The following AFDN variants were observed in gnomAD, a reference collection of about 807,000 sequenced individuals.
The protein encoded by AFDN is afadin.
A neutral mutation model predicts 216.6 loss-of-function variants in AFDN; 68 were observed. The observed-to-expected ratio is 0.31, with a 90% CI of 0.26 to 0.38. The LOEUF (loss-of-function observed/expected upper bound fraction) is 0.38. Among genes scored for constraint, AFDN ranks in the 10% least tolerant of loss-of-function variants. The probability of loss-of-function intolerance (pLI) is 1.00; values close to 1 mark genes in which losing one functional copy is unlikely to be tolerated. For missense variants in AFDN, 2,136 were observed against 2,342.0 expected, an observed-to-expected ratio of 0.91 and a Z score of 1.82; for synonymous variants, 868 against 853.7, an observed-to-expected ratio of 1.02 and a Z score of -0.29.
intron 23 of AFDN, among the ~76,000 whole-genome samples, chr6:167,940,053 A>G (rs1339855554): frequency 6.6e-6 from 1 of 152,378 alleles, no homozygotes; most frequent in Admixed American, 6.5e-5. Context: ...TTCAAGGACC[A>G]CAGGTTGTAT....
At chr6:167,926,959 T>A (rs544679228) in intron 23 of AFDN, among the ~76,000 whole-genome samples, 1 of 152,352 alleles carries the variant, frequency 6.6e-6, no homozygotes, top group South Asian at 2.1e-4. Flanking sequence ...AGTGGATATT[T>A]GATTTGCTGT....
Position 167,967,841 on chromosome 6 carries a change from C to T in AFDN, c.5258-1273C>T, listed in dbSNP as rs80249322. Among the ~76,000 whole-genome samples, 650 of 152,306 alleles carry T rather than the reference C, an allele frequency of 4.3e-3. 4 individuals are homozygous for T. The highest frequency in any genetic ancestry group is 0.015 in the African/African-American group (620 of 41,552). On this transcript the variant is annotated intron_variant, in intron 32 of 33. Transcript: ENST00000683244. ...CACTAGCATGGTCTCATTCCTTGCT[C>T]AGCTCTGTTTGTGTCGCGAGCACTC... is the stretch of plus-strand genomic sequence containing the variant.
intron 1 of AFDN, among the ~76,000 whole-genome samples, chr6:167,849,181 T>C (rs1344368307): frequency 6.6e-6 from 1 of 152,184 alleles, no homozygotes; most frequent in Non-Finnish European, 1.5e-5. Flanking sequence ...AAAGTACTTA[T>C]TAGCACAATG....
In AFDN at chr6:167,951,653, G is replaced by A. The variant is rs1795997695; in HGVS notation, c.4299G>A (p.Leu1433=). The change falls in exon 30 of 34, where the codon CTG becomes CTA. Residue 1433 remains leucine (L), a synonymous_variant. Transcript: ENST00000683244. This position sits in a 1 kb window ranked among gnomAD's most constrained non-coding sequence, Gnocchi z 7.1. ...GGTATGAGAAGGAGAAGGCCCGCCTGGAGGAGGAGCGGGAGAGGAAGCGGA... is the reference window on the plus strand; with the variant it reads ...GGTATGAGAAGGAGAAGGCCCGCCTAGAGGAGGAGCGGGAGAGGAAGCGGA... ...QRWYEKEKAR[L]EEERERKRRE... 3.1e-6 allele frequency: 5 copies of A among 1,614,078 alleles called. No homozygotes were observed. The highest frequency in any genetic ancestry group is 4.2e-6 in the Non-Finnish European group (5 of 1,179,990).
At chr6:167,947,632 C>T (rs79474232) in intron 27 of AFDN, among the ~76,000 whole-genome samples, 5 of 152,108 alleles carry the variant, frequency 3.3e-5, no homozygotes, top group African/African-American at 1.2e-4. Flanking sequence ...ATACACAGAG[C>T]TACAAAGGTT....
intron 1 of AFDN, among the ~76,000 whole-genome samples, chr6:167,837,172 T>C (rs1210413452): frequency 1.3e-5 from 2 of 152,206 alleles, no homozygotes; most frequent in East Asian, 3.8e-4. Context: ...ATTTATGATA[T>C]GGCTTATTTT....
intron 1 of AFDN, among the ~76,000 whole-genome samples, chr6:167,842,352 T>C (rs1033079287): frequency 1.3e-5 from 2 of 152,144 alleles, no homozygotes; most frequent in Non-Finnish European, 2.9e-5. Context: ...CAGTGTGTAT[T>C]GTAATGCTGG....
In AFDN at chr6:167,962,798, A is replaced by G. The variant is rs1797171081; in HGVS notation, c.4968+231A>G. 7.3e-7 allele frequency: 1 copy of G among 1,371,202 alleles called. No individual in the cohort carries two copies. The highest frequency in any genetic ancestry group is 3.0e-5 in the Admixed American group (1 of 33,714). 84.9% of individuals were successfully genotyped at this position (1,371,202 alleles called of 1,614,324 possible). On this transcript the variant is annotated intron_variant, in intron 31 of 33. Coordinates refer to ENST00000683244, the MANE Select transcript of AFDN (RefSeq NM_001386888.1). This position sits in a 1 kb window ranked among gnomAD's most constrained non-coding sequence, Gnocchi z 5.2. ...TATCTGCCAAGTTTTGTCTCCTTCAAACTTCTGAACTCTTGGGCGTGTGTA... is the reference window on the plus strand; with the variant it reads ...TATCTGCCAAGTTTTGTCTCCTTCAGACTTCTGAACTCTTGGGCGTGTGTA...
At chr6:167,905,402 C>T (rs576722970) in intron 12 of AFDN, among the ~76,000 whole-genome samples, 2 of 152,042 alleles carry the variant, frequency 1.3e-5, no homozygotes, top group Admixed American at 1.3e-4. Context: ...TAAAAATTTT[C>T]GTTTCTTAAA....
rs1161891524 is a variant in AFDN, at chr6:167,965,825, G to A, written c.5037G>A (p.Ala1679=). 3.2e-6 allele frequency: 5 copies of A among 1,558,660 alleles called. No individual in the cohort carries two copies. Among genetic ancestry groups the A allele is most frequent in the Admixed American group, 3.8e-5 (2 of 52,246 alleles). The stretch of plus-strand genomic sequence containing the variant: ...GGCGCAGACAGCACGACGAGGCGGC[G>A]CGCAGGTTGCTGGAGCCCGAGGCGC... ...AERRRQHDEA[A]RRLLEPEAPG... The change falls in exon 32 of 34, where the codon GCG becomes GCA. Residue 1679 remains alanine (A), a synonymous_variant. Transcript: ENST00000683244.
chr6:167,946,849 TGACA>T lies in AFDN; in HGVS notation c.3505_3508del (p.Arg1169Ter). 1.2e-6 allele frequency: 2 copies of T among 1,613,076 alleles called. No individual in the cohort carries two copies. The highest frequency in any genetic ancestry group is 1.7e-6 in the Non-Finnish European group (2 of 1,179,760). On this transcript the variant is annotated frameshift_variant, in exon 27 of 34. Transcript: ENST00000683244. LOFTEE classifies it high-confidence loss of function. ...GTGAACCAAAGAAATTGCCTGGTGA[TGACA>T]GACTGATGAAAAATAGAGCTGATCA... is the stretch of plus-strand genomic sequence containing the variant.
At chr6:167,963,372 T>C in intron 31 of AFDN, 1 of 1,058,108 alleles carries the variant, frequency 9.5e-7, no homozygotes, top group Non-Finnish European at 1.1e-6. Flanking sequence ...TTACTTCCCT[T>C]CTATGAAGGT....
rs377033565 is a variant in AFDN, at chr6:167,853,495, TAG to T, written c.106-11051_106-11050del. Among the ~76,000 whole-genome samples the T allele has an allele frequency of 1.8e-4, 28 of 152,192 alleles. No individual in the cohort carries two copies. In the East Asian group the frequency reaches 4.3e-3, roughly 23 times the overall value. On this transcript the variant is annotated intron_variant, in intron 1 of 33. Coordinates refer to ENST00000683244, the MANE Select transcript of AFDN (RefSeq NM_001386888.1). ...CTGTATGCTAATATGACCAACTTGA[TAG>T]AGAGTTAAGACTCATTCATTTCAGT...
chr6:167,870,258 A>G, intron 2 of AFDN, 128 bp from the exon 3 acceptor site: 1 of 579,404 alleles, frequency 1.7e-6, no homozygotes. Context: ...TACATTTTGA[A>G]CAATACATTT....
At chr6:167,907,127 G>T in intron 12 of AFDN, 44 bp from the exon 13 acceptor site, 1 of 1,482,942 alleles carries the variant, frequency 6.7e-7, no homozygotes. Context: ...AGCTTGGTTG[G>T]TCTGTGTGAG....
intron 13 of AFDN, among the ~76,000 whole-genome samples, chr6:167,909,393 A>C (rs1790107365): frequency 2.0e-5 from 3 of 151,966 alleles, no homozygotes; most frequent in African/African-American, 7.2e-5. Context: ...TGGAGGGAAG[A>C]GAATGGTTTG....
chr6:167,957,492 GT>G (rs1357032805), intron 30 of AFDN, among the ~76,000 whole-genome samples: 6 of 152,130 alleles, frequency 3.9e-5, no homozygotes, highest in African/African-American at 1.4e-4. Context: ...TTACTAGGTT[GT>G]TTCCTATTTT....
chr6:167,969,792 G>A lies in AFDN; in HGVS notation c.5353G>A (p.Asp1785Asn). 6.2e-7 allele frequency: 1 copy of A among 1,608,226 alleles called. No individual in the cohort carries two copies. The highest frequency in any genetic ancestry group is 8.5e-7 in the Non-Finnish European group (1 of 1,178,642). The change falls in exon 34 of 34, where the codon GAT (aspartate) becomes AAT (asparagine). Residue 1785 changes from aspartate (D) to asparagine (N), a missense_variant. Transcript: ENST00000683244. ...KEKRSKSQDA[D>N]SPGSSGAPEN... ...TGCCCTCTTCTGCAGCCAAGATGCA[G>A]ATTCACCTGGAAGTTCTGGGGCCCC...
intron 32 of AFDN, among the ~76,000 whole-genome samples, chr6:167,966,860 G>T (rs528335303): frequency 6.6e-6 from 1 of 152,154 alleles, no homozygotes; most frequent in African/African-American, 2.4e-5. Context: ...AGAGACCCCC[G>T]TTACAGGGAA....
Sources: allele counts gnomAD v4.1 joint callset (sites outside exome capture counted in the v4.1 genomes callset), GRCh38; gene constraint gnomAD v4.1.1; non-coding constraint Gnocchi (gnomAD v3.1); transcripts MANE v1.5; gene names NCBI Gene and HGNC (gene_info 2026-07-23, HGNC 2026-07-21).